The following DNAH7 variants were observed in gnomAD, a reference collection of about 807,000 sequenced individuals.
DNAH7 encodes the protein dynein axonemal heavy chain 7.
DNAH7 carries 397 observed loss-of-function variants against 444.6 expected under a neutral mutation model. The observed-to-expected ratio is 0.89, with a 90% CI of 0.82 to 0.97. The LOEUF is 0.97. Ranked by LOEUF, DNAH7 falls within the 50% of genes least tolerant of loss-of-function variation. The probability of loss-of-function intolerance (pLI) is 0.00; values close to 1 mark genes in which losing one functional copy is unlikely to be tolerated. For missense variants in DNAH7, 4,902 were observed against 4,800.8 expected (o/e 1.02, Z -0.62); for synonymous variants, 1,636 against 1,624.4 (o/e 1.01, Z -0.17).
intron 62 of DNAH7, among the ~76,000 whole-genome samples, chr2:195,755,219 T>G (rs1412816344): frequency 6.6e-6 from 1 of 152,260 alleles, no homozygotes; most frequent in Non-Finnish European, 1.5e-5. Flanking sequence ...AATAGAATGT[T>G]GCTTTGGAAG....
At chr2:196,062,948 T>C (rs1296285001) in intron 1 of DNAH7, among the ~76,000 whole-genome samples, 1 of 152,236 alleles carries the variant, frequency 6.6e-6, no homozygotes, top group Non-Finnish European at 1.5e-5. Context: ...AGTGGCGCAA[T>C]CTCGGCTCAC....
At position 196,015,223 on chromosome 2, in the gene DNAH7, C is replaced by G. The variant is rs1575024848; in HGVS notation, c.870-2317G>C. On this transcript the variant is annotated intron_variant, in intron 9 of 64. Coordinates refer to ENST00000312428, the MANE Select transcript of DNAH7 (RefSeq NM_018897.3). ...CAAATTTTGTAATTTGTGGGGAAAA[C>G]AGTTTCTCAGTATAGTTTTAATTTC... Among the ~76,000 whole-genome samples the G allele has an allele frequency of 3.3e-5, 5 of 152,168 alleles. 1 individual carries two copies. The highest frequency in any genetic ancestry group is 3.3e-4 in the Admixed American group (5 of 15,282).
intron 18 of DNAH7, among the ~76,000 whole-genome samples, chr2:195,957,709 C>T (rs899190577): frequency 6.6e-6 from 1 of 151,260 alleles, no homozygotes; most frequent in Non-Finnish European, 1.5e-5. Flanking sequence ...CATCTAGTTG[C>T]ATTTAAAGAT....
chr2:195,818,061 T>C (rs1237208945), intron 49 of DNAH7, among the ~76,000 whole-genome samples: 1 of 152,204 alleles, frequency 6.6e-6, no homozygotes, highest in Non-Finnish European at 1.5e-5. Context: ...AGGGTTTGTT[T>C]GGTGATCAAC....
chr2:195,873,725 T>C, intron 38 of DNAH7, 31 bp from the exon 39 acceptor site: 1 of 1,476,970 alleles, frequency 6.8e-7, no homozygotes, highest in Non-Finnish European at 9.0e-7. Context: ...CTCTTAATAA[T>C]GTTACTAGTA....
intron 12 of DNAH7, chr2:195,994,318 C>T (rs1693550417): frequency 3.6e-6 from 2 of 550,288 alleles, no homozygotes; most frequent in Admixed American, 2.9e-5. Context: ...TCACTGATGC[C>T]TTCCTCCTCC....
chr2:196,023,781 A>T (rs1262069678), intron 8 of DNAH7, among the ~76,000 whole-genome samples: 1 of 152,172 alleles, frequency 6.6e-6, no homozygotes, highest in East Asian at 1.9e-4. Context: ...GGCTTTCAAC[A>T]TGTCTTCCTC....
chr2:195,956,671 T>A lies in DNAH7; in HGVS notation c.3078+590A>T, dbSNP rs1024234414. On this transcript the variant is annotated intron_variant, in intron 19 of 64. Coordinates refer to ENST00000312428, the MANE Select transcript of DNAH7 (RefSeq NM_018897.3). ...GTCTCAAAAAAAAAAAAAAGTCTTC[T>A]GAATTGAACAAAAAACGTACTTTTT... Among the ~76,000 whole-genome samples the A allele has an allele frequency of 9.2e-5, 14 of 152,144 alleles. No homozygotes were observed. In the East Asian group the frequency reaches 1.5e-3, roughly 17 times the overall value.
At position 195,895,099 on chromosome 2, in the gene DNAH7, C is replaced by T. The variant is rs1188798711; in HGVS notation, c.4773G>A (p.Lys1591=). 1.9e-6 allele frequency: 3 copies of T among 1,613,680 alleles called. No homozygotes were observed. The Admixed American group carries it at 5.0e-5, about 27-fold the overall frequency. ...NLQMTAFFSE[K]ILQVYEMMIV... is the part of the protein sequence containing the mutation. ...TCATCATTTCATATACTTGAAGAAT[C>T]TTCTCGGAAAAGAATGCAGTCATTT... The change falls in exon 30 of 65, where the codon AAG becomes AAA. Residue 1591 remains lysine (K), a synonymous_variant. Coordinates refer to ENST00000312428, the MANE Select transcript of DNAH7 (RefSeq NM_018897.3).
At chr2:195,868,854 T>C (rs756573691) in intron 40 of DNAH7, among the ~76,000 whole-genome samples, 2 of 149,128 alleles carry the variant, frequency 1.3e-5, no homozygotes, top group African/African-American at 2.5e-5. Context: ...TTAGAAACCA[T>C]TTAGTGAAAT....
intron 2 of DNAH7, among the ~76,000 whole-genome samples, chr2:196,052,041 T>C (rs1490241916): frequency 4.6e-5 from 7 of 152,268 alleles, no homozygotes; most frequent in Admixed American, 4.6e-4. Flanking sequence ...TGTATGCTTA[T>C]ATTGCAAGTT....
At chr2:195,800,503 T>G (rs1402797129) in intron 54 of DNAH7, among the ~76,000 whole-genome samples, 1 of 152,194 alleles carries the variant, frequency 6.6e-6, no homozygotes, top group African/African-American at 2.4e-5. Flanking sequence ...ATTCAATATA[T>G]AGCAAAGCAA....
intron 48 of DNAH7, among the ~76,000 whole-genome samples, chr2:195,827,847 G>A (rs948600025): frequency 2.0e-5 from 3 of 151,924 alleles, no homozygotes; most frequent in Admixed American, 6.6e-5. Flanking sequence ...AAAGTGCTAC[G>A]ATTACAGGAA....
chr2:195,964,948 C>T (rs966508343), intron 17 of DNAH7, among the ~76,000 whole-genome samples: 2 of 152,000 alleles, frequency 1.3e-5, no homozygotes, highest in African/African-American at 4.8e-5. Context: ...GTTTGGATGC[C>T]CTTTATTTCC....
chr2:195,822,067 A>C (rs1316487692), intron 49 of DNAH7, among the ~76,000 whole-genome samples: 1 of 152,226 alleles, frequency 6.6e-6, no homozygotes, highest in African/African-American at 2.4e-5. Context: ...GACTACATAG[A>C]TATAATCATA....
At chr2:195,922,330 G>A (rs1688074202) in intron 23 of DNAH7, 133 bp from the exon 24 acceptor site, 1 of 595,718 alleles carries the variant, frequency 1.7e-6, no homozygotes, top group Non-Finnish European at 3.0e-6. Context: ...TTGATTCCAT[G>A]GCAGAATTAA....
chr2:195,975,180 T>C (rs1692100665), intron 15 of DNAH7, among the ~76,000 whole-genome samples: 1 of 152,186 alleles, frequency 6.6e-6, no homozygotes, highest in African/African-American at 2.4e-5. Flanking sequence ...ATTAACTTCA[T>C]ATTACTGAAA....
chr2:195,786,677 G>GT (rs973211585), intron 58 of DNAH7, among the ~76,000 whole-genome samples: 1 of 151,384 alleles, frequency 6.6e-6, no homozygotes, highest in South Asian at 2.1e-4. Context: ...TGGTCTGTTT[G>GT]TTTTTTACAT....
intron 5 of DNAH7, among the ~76,000 whole-genome samples, chr2:196,040,092 CA>C (rs1311457792): frequency 4.6e-5 from 7 of 151,944 alleles, no homozygotes; most frequent in Non-Finnish European, 8.8e-5. Flanking sequence ...AAAGTCTCCC[CA>C]AAAAGAAAAG....
Sources: allele counts gnomAD v4.1 joint callset (sites outside exome capture counted in the v4.1 genomes callset), GRCh38; gene constraint gnomAD v4.1.1; transcripts MANE v1.5; gene names NCBI Gene and HGNC (gene_info 2026-07-23, HGNC 2026-07-21).